Variants in SEPTIN11 observed in about 807,000 individuals in gnomAD.
The protein encoded by SEPTIN11 is septin 11.
Under a neutral mutation model 51.4 loss-of-function variants are expected in SEPTIN11, and 25 were observed. That is an observed-to-expected ratio of 0.49 (90% CI 0.35 to 0.68). SEPTIN11 has a LOEUF of 0.68. Among genes scored for constraint, SEPTIN11 ranks in the 30% least tolerant of loss-of-function variants. The probability of loss-of-function intolerance (pLI) is 0.00; values close to 1 mark genes in which losing one functional copy is unlikely to be tolerated. For synonymous variants in SEPTIN11, 174 were observed against 184.1 expected (o/e 0.95, Z 0.44); for missense variants, 381 against 520.8 (o/e 0.73, Z 2.61).
At chr4:76,970,460 A>T (rs80143477) in intron 1 of SEPTIN11, among the ~76,000 whole-genome samples, 2 of 152,214 alleles carry the variant, frequency 1.3e-5, no homozygotes, top group Admixed American at 6.5e-5. Flanking sequence ...GTGGCAAAAC[A>T]TCCTAAAAGG....
intron 1 of SEPTIN11, among the ~76,000 whole-genome samples, chr4:76,970,024 T>A (rs1377356097): frequency 1.3e-5 from 2 of 152,170 alleles, no homozygotes; most frequent in Admixed American, 6.5e-5. Flanking sequence ...AAATAACAGC[T>A]CAACTCCCAG....
At position 77,022,544 on chromosome 4, in the gene SEPTIN11, A is replaced by G. The variant is rs545305267; in HGVS notation, c.953+1874A>G. Reference sequence around the variant, plus strand: ...TCGTCCGAAAGCAGCCATAGACCATACTGTAAATGAATGGGCATGGCTGTG... The same window carrying G: ...TCGTCCGAAAGCAGCCATAGACCATGCTGTAAATGAATGGGCATGGCTGTG... On this transcript the variant is annotated intron_variant, in intron 7 of 9. Transcript: ENST00000264893. Among the ~76,000 whole-genome samples, 403 of 152,294 alleles carry G rather than the reference A, an allele frequency of 2.6e-3. 1 individual carries two copies. Among genetic ancestry groups the G allele is most frequent in the African/African-American group, 9.2e-3 (382 of 41,564 alleles).
At chr4:77,032,616 G>A (rs1471273728) in intron 9 of SEPTIN11, among the ~76,000 whole-genome samples, 1 of 152,156 alleles carries the variant, frequency 6.6e-6, no homozygotes, top group Non-Finnish European at 1.5e-5. Context: ...AGGTATGAAT[G>A]AGACAAAAAG....
Position 77,034,711 on chromosome 4 carries a change from G to A in SEPTIN11, c.*199G>A, listed in dbSNP as rs1726913425. On this transcript the variant is annotated 3_prime_UTR_variant, in exon 10 of 10. Coordinates refer to ENST00000264893, the MANE Select transcript of SEPTIN11 (RefSeq NM_018243.4). ...ATAGAACAAGGGAATAACCGCGAATGCTCTGTGCAGCTGGACTCTGTTTCC... is the reference window on the plus strand; with the variant it reads ...ATAGAACAAGGGAATAACCGCGAATACTCTGTGCAGCTGGACTCTGTTTCC... 3.1e-6 allele frequency: 4 copies of A among 1,296,792 alleles called. No homozygotes were observed. Among genetic ancestry groups the A allele is most frequent in the Non-Finnish European group, 3.9e-6 (4 of 1,019,888 alleles). 80.3% of individuals were successfully genotyped at this position (1,296,792 alleles called of 1,614,324 possible). A position where few individuals can be genotyped will look rare whatever the true frequency, so the allele number is the denominator to read the frequency against.
chr4:77,038,521 TGTTAAG>T lies in SEPTIN11; in HGVS notation c.*4012_*4017del. 2.0e-6 allele frequency: 2 copies of T among 986,064 alleles called. No individual in the cohort carries two copies. The highest frequency in any genetic ancestry group is 2.4e-6 in the Non-Finnish European group (2 of 830,060). The allele number at this position is 986,064 out of a possible 1,614,324, so 61.1% of individuals were successfully genotyped here. A position where few individuals can be genotyped will look rare whatever the true frequency, so the allele number is the denominator to read the frequency against. On this transcript the variant is annotated 3_prime_UTR_variant, in exon 10 of 10. Coordinates refer to ENST00000264893, the MANE Select transcript of SEPTIN11 (RefSeq NM_018243.4). ...GCAACATGCTTGGTAATTTGGCATCTGTTAAGGTAGGAGAGTGGTGAACAGATAATC... is the reference window on the plus strand; with the variant it reads ...GCAACATGCTTGGTAATTTGGCATCTGTAGGAGAGTGGTGAACAGATAATC...
intron 3 of SEPTIN11, among the ~76,000 whole-genome samples, chr4:77,009,472 T>C (rs1454343798): frequency 1.3e-5 from 2 of 152,206 alleles, no homozygotes; most frequent in African/African-American, 4.8e-5. Flanking sequence ...AGTATGATTT[T>C]CTAGAGGGAA....
chr4:77,020,959 G>A (rs909436324), intron 7 of SEPTIN11: 4 of 296,948 alleles, frequency 1.3e-5, no homozygotes, highest in African/African-American at 8.7e-5. Context: ...ATGGTGTGGT[G>A]TTGAGCTCTT....
Position 77,014,981 on chromosome 4 carries a change from T to C in SEPTIN11, c.651T>C (p.Asp217=). The C allele has an allele frequency of 6.2e-7, 1 of 1,614,010 alleles. No homozygotes were observed. Among genetic ancestry groups the C allele is most frequent in the Non-Finnish European group, 8.5e-7 (1 of 1,179,974 alleles). The change falls in exon 5 of 10, where the codon GAT becomes GAC. Residue 217 remains aspartate, a synonymous_variant. Coordinates refer to ENST00000264893, the MANE Select transcript of SEPTIN11 (RefSeq NM_018243.4). ...NGVQIYQFPT[D]EETVAEINAT... is the part of the protein sequence containing the mutation. ...TCCAGATATATCAGTTTCCCACTGA[T>C]GAAGAAACGGTGGCAGAGATTAACG...
At chr4:77,006,987 G>A (rs776733499) in intron 3 of SEPTIN11, among the ~76,000 whole-genome samples, 1 of 152,222 alleles carries the variant, frequency 6.6e-6, no homozygotes, top group Non-Finnish European at 1.5e-5. Flanking sequence ...GGTAGATAGA[G>A]TGAGAAAGAT....
At chr4:77,016,442 A>G (rs865782452) in intron 5 of SEPTIN11, among the ~76,000 whole-genome samples, 26 of 146,022 alleles carry the variant, frequency 1.8e-4, no homozygotes, top group Non-Finnish European at 2.4e-4. Context: ...AGATATTTGG[A>G]AAAAAAAAAT....
chr4:77,030,425 G>A (rs1329456294), intron 8 of SEPTIN11, among the ~76,000 whole-genome samples: 1 of 151,952 alleles, frequency 6.6e-6, no homozygotes, highest in Non-Finnish European at 1.5e-5. Context: ...CTTTTGAGAC[G>A]GAGTCTCTGT....
intron 1 of SEPTIN11, among the ~76,000 whole-genome samples, chr4:76,966,306 A>G (rs1722032563): frequency 6.6e-6 from 1 of 152,204 alleles, no homozygotes; most frequent in South Asian, 2.1e-4. Flanking sequence ...CAGTAGGGCT[A>G]AGAAGAAGAT....
chr4:77,007,854 C>T (rs1724598220), intron 3 of SEPTIN11, among the ~76,000 whole-genome samples: 1 of 152,188 alleles, frequency 6.6e-6, no homozygotes, highest in African/African-American at 2.4e-5. Flanking sequence ...TGGACAGGCT[C>T]TGCCTCCCTC....
At chr4:76,950,924 T>A (rs1206948011) in intron 1 of SEPTIN11, among the ~76,000 whole-genome samples, 3 of 152,190 alleles carry the variant, frequency 2.0e-5, no homozygotes, top group African/African-American at 7.2e-5. Flanking sequence ...TCATCGTCGA[T>A]GTTCACAGTC....
At chr4:77,030,439 C>T (rs1726532889) in intron 8 of SEPTIN11, among the ~76,000 whole-genome samples, 1 of 152,164 alleles carries the variant, frequency 6.6e-6, no homozygotes, top group Middle Eastern at 3.4e-3. Context: ...TCTCTGTCAC[C>T]CAGGCTGGAG....
intron 7 of SEPTIN11, among the ~76,000 whole-genome samples, chr4:77,023,964 C>T (rs1271310694): frequency 1.3e-5 from 2 of 152,174 alleles, no homozygotes; most frequent in African/African-American, 4.8e-5. Context: ...TCTCAAAGCA[C>T]AGGATTTCTG....
Position 77,037,977 on chromosome 4 carries a change from T to C in SEPTIN11, c.*3465T>C. 4 of 985,904 alleles carry C rather than the reference T, an allele frequency of 4.1e-6. No individual in the cohort carries two copies. Among genetic ancestry groups the C allele is most frequent in the Non-Finnish European group, 4.8e-6 (4 of 829,944 alleles). The allele number at this position is 985,904 out of a possible 1,614,324, so 61.1% of individuals were successfully genotyped here. ...TTTCCTTGCTTTCTTGACATTTCCA[T>C]GACTGTTTCACATACAAACTATTGG... On this transcript the variant is annotated 3_prime_UTR_variant, in exon 10 of 10. Coordinates refer to ENST00000264893, the MANE Select transcript of SEPTIN11 (RefSeq NM_018243.4).
chr4:77,016,705 C>A (rs1399491786), intron 5 of SEPTIN11, among the ~76,000 whole-genome samples: 2 of 137,426 alleles, frequency 1.5e-5, no homozygotes, highest in Non-Finnish European at 3.1e-5. Context: ...TACCTGTAAT[C>A]CCAGCACTTT....
intron 1 of SEPTIN11, among the ~76,000 whole-genome samples, chr4:76,951,622 C>T (rs1343701358): frequency 6.6e-6 from 1 of 152,074 alleles, no homozygotes; most frequent in African/African-American, 2.4e-5. Context: ...AATTGGCAAA[C>T]GTTTAGGATT....
Sources: allele counts gnomAD v4.1 joint callset (sites outside exome capture counted in the v4.1 genomes callset), GRCh38; gene constraint gnomAD v4.1.1; transcripts MANE v1.5; gene names NCBI Gene and HGNC (gene_info 2026-07-23, HGNC 2026-07-21).